Variants in OOEP observed in about 807,000 individuals in gnomAD.
OOEP encodes oocyte expressed protein, also known as oocyte-expressed protein homolog.
OOEP carries 16 observed loss-of-function variants against 13.7 expected under a neutral mutation model. That is an observed-to-expected ratio of 1.16 (90% CI 0.79 to 1.77). The LOEUF (loss-of-function observed/expected upper bound fraction) is 1.77. Ranked by LOEUF, OOEP falls within the 40% of genes most tolerant of loss-of-function variation. The pLI is 0.00. For synonymous variants in OOEP, 89 were observed against 77.1 expected (o/e 1.15, Z -0.81); for missense variants, 195 against 193.1 (o/e 1.01, Z -0.06).
chr6:73,376,064 G>T (rs1311969033), intron 2 of OOEP, among the ~76,000 whole-genome samples: 2 of 152,066 alleles, frequency 1.3e-5, no homozygotes, highest in Admixed American at 1.3e-4. Flanking sequence ...GATTACAGGT[G>T]TGAGCCACCG....
chr6:73,387,478 C>T (rs1299346306), intron 2 of OOEP, among the ~76,000 whole-genome samples: 4 of 152,152 alleles, frequency 2.6e-5, no homozygotes, highest in Non-Finnish European at 4.4e-5. Context: ...AGCACCACTG[C>T]ACTCCAGCCT....
chr6:73,371,040 A>C (rs1769041369), upstream of OOEP, among the ~76,000 whole-genome samples: 1 of 152,120 alleles, frequency 6.6e-6, no homozygotes, highest in African/African-American at 2.4e-5. Context: ...TCCTAGGCTC[A>C]AGCAGTCCTC....
chr6:73,370,590 A>G (rs1031438258), upstream of OOEP, among the ~76,000 whole-genome samples: 1 of 152,140 alleles, frequency 6.6e-6, no homozygotes, highest in Non-Finnish European at 1.5e-5. Flanking sequence ...CTCTGTTTTT[A>G]AAACAGATAT....
intron 2 of OOEP, among the ~76,000 whole-genome samples, chr6:73,378,615 C>T (rs974915329): frequency 6.6e-6 from 1 of 151,986 alleles, no homozygotes; most frequent in Admixed American, 6.6e-5. Flanking sequence ...GTAATCCCAG[C>T]ACTTTGGGTG....
chr6:73,369,419 A>G (rs1031355751), intron 1 of OOEP, 34 bp from the exon 2 acceptor site: 1 of 1,589,228 alleles, frequency 6.3e-7, no homozygotes, highest in African/African-American at 1.3e-5. Context: ...GAGGGGCTGC[A>G]CGGTGGCAGG....
upstream of OOEP, chr6:73,370,143 G>A (rs1769027793): frequency 4.0e-6 from 1 of 251,880 alleles, no homozygotes; most frequent in South Asian, 7.1e-5. Context: ...GTGTGAGTTT[G>A]AATTGACGAC....
chr6:73,390,531 CT>C (rs1242930182), intron 2 of OOEP, among the ~76,000 whole-genome samples: 2 of 149,618 alleles, frequency 1.3e-5, no homozygotes, highest in Admixed American at 6.6e-5. Flanking sequence ...TATTATTTTG[CT>C]TTTTTTGTTT....
At chr6:73,390,200 C>T (rs1179700045) in intron 2 of OOEP, among the ~76,000 whole-genome samples, 1 of 152,168 alleles carries the variant, frequency 6.6e-6, no homozygotes, top group East Asian at 1.9e-4. Flanking sequence ...AAGTTATTTA[C>T]TAATCCACTG....
chr6:73,392,548 C>T (rs1769361231), intron 2 of OOEP, among the ~76,000 whole-genome samples: 1 of 151,272 alleles, frequency 6.6e-6, no homozygotes, highest in Non-Finnish European at 1.5e-5. Context: ...AGATGATCTA[C>T]CCACCTCAAC....
exon 1 of OOEP, chr6:73,394,881 G>T (rs751400041): frequency 6.2e-7 from 1 of 1,611,778 alleles, no homozygotes; most frequent in East Asian, 2.2e-5. Context: ...CGGCAACGAC[G>T]TCGGACGCGC....
At chr6:73,378,145 C>T (rs1769158090) in intron 2 of OOEP, among the ~76,000 whole-genome samples, 1 of 151,482 alleles carries the variant, frequency 6.6e-6, no homozygotes, top group African/African-American at 2.4e-5. Flanking sequence ...CTCTGACACC[C>T]AGATTGGAGT....
At chr6:73,370,679 C>G (rs1013683321), upstream of OOEP, among the ~76,000 whole-genome samples, 8 of 152,168 alleles carry the variant, frequency 5.3e-5, no homozygotes, top group Admixed American at 1.3e-4. Flanking sequence ...CATGCATGTC[C>G]TTACACATTT....
chr6:73,379,033 G>T (rs1363429182), intron 2 of OOEP, among the ~76,000 whole-genome samples: 4 of 151,798 alleles, frequency 2.6e-5, no homozygotes, highest in Non-Finnish European at 5.9e-5. Flanking sequence ...TTATGATTAT[G>T]ATTATTATTT....
intron 1 of OOEP, 82 bp from the exon 2 acceptor site, chr6:73,369,467 G>T: frequency 2.0e-6 from 3 of 1,514,098 alleles, no homozygotes; most frequent in South Asian, 1.2e-5. Flanking sequence ...GGCCAGGGAA[G>T]GGAAGAACTG....
chr6:73,393,705 C>T (rs1183799783), intron 2 of OOEP, among the ~76,000 whole-genome samples: 1 of 152,174 alleles, frequency 6.6e-6, no homozygotes, highest in South Asian at 2.1e-4. Context: ...GTAGTCCCAA[C>T]TATTCGGGAG....
chr6:73,369,059 C>A, intron 2 of OOEP, 147 bp downstream of exon 2: 1 of 882,388 alleles, frequency 1.1e-6, no homozygotes. Flanking sequence ...CCCAGGATCC[C>A]CTCCCAACAA....
exon 1 of OOEP, chr6:73,394,838 T>C: frequency 1.3e-6 from 2 of 1,576,206 alleles, no homozygotes; most frequent in Non-Finnish European, 1.7e-6. Context: ...ACGCTACTCT[T>C]ACGACGTCAC....
upstream of OOEP, chr6:73,373,115 C>T: frequency 6.2e-7 from 1 of 1,603,154 alleles, no homozygotes; most frequent in South Asian, 1.1e-5. Context: ...TCCTTATAGA[C>T]CCAGCTTGGT....
upstream of OOEP, among the ~76,000 whole-genome samples, chr6:73,374,565 C>T (rs1295243999): frequency 2.0e-5 from 3 of 152,156 alleles, no homozygotes; most frequent in Non-Finnish European, 4.4e-5. Context: ...TGTATATTTG[C>T]CTGTGTGATC....
Sources: gnomAD v4.1 joint callset for allele counts (sites outside exome capture counted in the v4.1 genomes callset) on GRCh38, gnomAD v4.1.1 for gene constraint, MANE v1.5 for transcripts, NCBI Gene and HGNC (gene_info 2026-07-23, HGNC 2026-07-21) for gene names.